The following SF3B1 variants were observed in gnomAD, a reference collection of about 807,000 sequenced individuals.
SF3B1 encodes pre-mRNA processing 10.
SF3B1 carries 12 observed loss-of-function variants against 153.8 expected under a neutral mutation model. That is an observed-to-expected ratio of 0.08 (90% CI 0.05 to 0.13). SF3B1 has a LOEUF of 0.13. Ranked by LOEUF, SF3B1 falls within the 10% of genes least tolerant of loss-of-function variation. The pLI, the probability that SF3B1 is intolerant of heterozygous loss-of-function variation, is 1.00. For missense variants in SF3B1, 513 were observed against 1,606.1 expected (o/e 0.32, Z 11.63); for synonymous variants, 498 against 525.2 (o/e 0.95, Z 0.71).
At chr2:197,420,373 A>AAAGG (rs758295982) in intron 4 of SF3B1, 55 bp downstream of exon 4, 15 of 1,355,428 alleles carry the variant, frequency 1.1e-5, no homozygotes, top group Non-Finnish European at 1.5e-5. Flanking sequence ...AGGGCTAAAG[A>AAAGG]CAACTTAATA....
chr2:197,406,761 T>G (rs1357177505), intron 9 of SF3B1, among the ~76,000 whole-genome samples: 3 of 152,056 alleles, frequency 2.0e-5, no homozygotes, highest in Admixed American at 2.0e-4. Context: ...CATGCAAACT[T>G]GAAACAAATA....
At chr2:197,404,839 T>G (rs1055459633) in intron 11 of SF3B1, 1 of 371,784 alleles carries the variant, frequency 2.7e-6, no homozygotes, top group African/African-American at 2.1e-5. Context: ...TTCACTACTA[T>G]TTTGTGGTCT....
At chr2:197,413,909 TG>T (rs1298521736) in intron 6 of SF3B1, among the ~76,000 whole-genome samples, 1 of 151,924 alleles carries the variant, frequency 6.6e-6, no homozygotes, top group Non-Finnish European at 1.5e-5. Flanking sequence ...CGGGTTCAAG[TG>T]ATTCTCCTGC....
intron 6 of SF3B1, among the ~76,000 whole-genome samples, chr2:197,412,636 G>C (rs924464459): frequency 6.6e-6 from 1 of 151,588 alleles, no homozygotes; most frequent in Non-Finnish European, 1.5e-5. Context: ...GATTACAGGC[G>C]TGAGCCACCG....
At chr2:197,409,307 G>A (rs1185043356) in intron 7 of SF3B1, among the ~76,000 whole-genome samples, 3 of 152,170 alleles carry the variant, frequency 2.0e-5, no homozygotes, top group Non-Finnish European at 4.4e-5. Flanking sequence ...GGCTGAGGCA[G>A]GAGAATCGCC....
intron 2 of SF3B1, among the ~76,000 whole-genome samples, chr2:197,422,127 C>G (rs879808467): frequency 6.6e-6 from 1 of 152,156 alleles, no homozygotes; most frequent in Non-Finnish European, 1.5e-5. Flanking sequence ...TCCCCCTCAG[C>G]TTCTGAAACC....
At chr2:197,427,336 A>T (rs1244669571) in intron 1 of SF3B1, among the ~76,000 whole-genome samples, 1 of 152,102 alleles carries the variant, frequency 6.6e-6, no homozygotes, top group Non-Finnish European at 1.5e-5. Flanking sequence ...GAAACTATAG[A>T]TATAAAGTCC....
intron 9 of SF3B1, 90 bp from the exon 10 acceptor site, chr2:197,405,562 T>G (rs2084980858): frequency 1.1e-6 from 1 of 904,936 alleles, no homozygotes; most frequent in Non-Finnish European, 1.7e-6. Context: ...TTTAGTTTAT[T>G]AGCTAATAAG....
At chr2:197,418,942 G>C in intron 4 of SF3B1, 3 of 1,600,654 alleles carry the variant, frequency 1.9e-6, no homozygotes, top group Non-Finnish European at 2.6e-6. Context: ...TCAAGCAGCA[G>C]AATAGAAGCC....
At chr2:197,433,210 C>T (rs1205148452) in intron 1 of SF3B1, among the ~76,000 whole-genome samples, 2 of 152,244 alleles carry the variant, frequency 1.3e-5, no homozygotes, top group Non-Finnish European at 2.9e-5. Flanking sequence ...GGGATGGGCA[C>T]AGACAGTGCT....
Position 197,416,772 on chromosome 2 carries a change from G to A in SF3B1, c.635C>T (p.Pro212Leu). 6.2e-7 allele frequency: 1 copy of A among 1,611,658 alleles called. No homozygotes were observed. Among genetic ancestry groups the A allele is most frequent in the Non-Finnish European group, 8.5e-7 (1 of 1,179,286 alleles). The change falls in exon 6 of 25, where the codon CCC becomes CTC. Residue 212 changes from proline (P) to leucine (L), a missense_variant. Physicochemically the swap from Pro to Leu is moderately conservative, Grantham distance 98. Around this residue, in one of 21 missense-constraint regions of SF3B1, gnomAD observed 17 missense variants for 16.3 expected, o/e 1.05. Coordinates refer to ENST00000335508, the MANE Select transcript of SF3B1 (RefSeq NM_012433.4). The part of the protein sequence containing the change: ...QTADQTPGAT[P>L]KKLSSWDQAE... ...CTGATCCCAACTTGATAGTTTTTTGGGAGTGGCACCAGGAGTCTGATCAGC... is the reference window on the plus strand; with the variant it reads ...CTGATCCCAACTTGATAGTTTTTTGAGAGTGGCACCAGGAGTCTGATCAGC...
rs1330597436 is a variant in SF3B1, at chr2:197,418,261, AAAAT to A, written c.495+244_495+247del. ...AAAAAAAAAAAAAAAAAAAAAAAAA[AAAAT>A]CCCTTGTGAGACACATACATACAAA... is the stretch of plus-strand genomic sequence containing the variant. On this transcript the variant is annotated intron_variant, in intron 5 of 24. Coordinates refer to ENST00000335508, the MANE Select transcript of SF3B1 (RefSeq NM_012433.4). Among the ~76,000 whole-genome samples, 4 of 140,990 alleles carry A rather than the reference AAAAT, an allele frequency of 2.8e-5. No individual in the cohort carries two copies. In the East Asian group the frequency reaches 8.2e-4, roughly 29 times the overall value. The allele number at this position is 140,990 out of a possible 152,430, so 92.5% of individuals were successfully genotyped here.
At chr2:197,420,830 C>G (rs2565161) in intron 3 of SF3B1, among the ~76,000 whole-genome samples, 199 bp downstream of exon 3, 108,281 of 152,028 alleles carry the variant, frequency 0.71, 39,340 homozygotes, top group Middle Eastern at 0.86. Flanking sequence ...CAGGAGGAAT[C>G]CTTGAGCCCA....
At chr2:197,422,484 A>C (rs926272776) in intron 2 of SF3B1, among the ~76,000 whole-genome samples, 2 of 152,206 alleles carry the variant, frequency 1.3e-5, no homozygotes, top group African/African-American at 4.8e-5. Flanking sequence ...GCAGCACACC[A>C]GTATGGCACA....
At chr2:197,399,731 A>G (rs956599754) in intron 20 of SF3B1, among the ~76,000 whole-genome samples, 9 of 152,206 alleles carry the variant, frequency 5.9e-5, no homozygotes, top group African/African-American at 2.2e-4. Context: ...ACCCCGCAGC[A>G]GAACATGGCA....
At chr2:197,392,500 GA>G (rs1459197735) in intron 24 of SF3B1, 39 bp from the exon 25 acceptor site, 5 of 773,174 alleles carry the variant, frequency 6.5e-6, no homozygotes, top group Non-Finnish European at 9.4e-6. Context: ...CAATTTTTAA[GA>G]ACATACATAA....
At chr2:197,432,798 G>T (rs142549883) in intron 1 of SF3B1, among the ~76,000 whole-genome samples, 1 of 152,034 alleles carries the variant, frequency 6.6e-6, no homozygotes, top group Non-Finnish European at 1.5e-5. Context: ...CCTAAAAGGC[G>T]GAGGTTGCTG....
rs2105985456 is a variant in SF3B1 at position 197,402,098 on chromosome 2, T to A, written c.2110A>T (p.Ile704Phe). 1 of 1,607,664 alleles carries A rather than the reference T, an allele frequency of 6.2e-7. No homozygotes were observed. The highest frequency in any genetic ancestry group is 8.5e-7 in the Non-Finnish European group (1 of 1,176,408). ...AAGGCAGCAATGGCCAAAGCACTGA[T>A]GGTCCGAACTTTCTGCTGCTCATCC... ...LVDEQQKVRTISALAIAALAE... is the reference protein window; with the variant it reads ...LVDEQQKVRTFSALAIAALAE... Residue 704 changes from isoleucine to phenylalanine, a missense_variant, in exon 15 of 25, where the codon ATC (isoleucine) becomes TTC (phenylalanine). Ile to Phe is a conservative substitution (Grantham distance 21). This residue lies in a region of SF3B1 where 50 missense variants were observed against 236.5 expected (regional missense o/e 0.21). Transcript: ENST00000335508. The surrounding 1 kb of genome is among the most constrained non-coding windows in gnomAD (Gnocchi z 4.6).
chr2:197,429,278 C>T (rs570561457), intron 1 of SF3B1, among the ~76,000 whole-genome samples: 7 of 152,344 alleles, frequency 4.6e-5, no homozygotes, highest in African/African-American at 1.7e-4. Context: ...AAAGCTGGCA[C>T]TCTTTAACCC....
Sources: gnomAD v4.1 joint callset for allele counts (sites outside exome capture counted in the v4.1 genomes callset) on GRCh38, gnomAD v4.1.1 for gene constraint, gnomAD v4.1.1 regional missense constraint, Gnocchi (gnomAD v3.1) non-coding constraint, MANE v1.5 for transcripts, NCBI Gene and HGNC (gene_info 2026-07-23, HGNC 2026-07-21) for gene names.